MACROD2: variants seen among roughly 807,000 people sequenced by gnomAD.
The protein encoded by MACROD2 is mono-ADP ribosylhydrolase 2.
Under a neutral mutation model 70.4 loss-of-function variants are expected in MACROD2, and 36 were observed. That is an observed-to-expected ratio of 0.51 (90% CI 0.39 to 0.68). The LOEUF (loss-of-function observed/expected upper bound fraction) is 0.68. Ranked by LOEUF, MACROD2 falls within the 30% of genes least tolerant of loss-of-function variation. The pLI is 0.00. For synonymous variants in MACROD2, 172 were observed against 178.8 expected, an observed-to-expected ratio of 0.96 and a Z score of 0.30; for missense variants, 496 against 538.4, an observed-to-expected ratio of 0.92 and a Z score of 0.78.
At chr20:14,350,470 T>A (rs757423911) in intron 3 of MACROD2, among the ~76,000 whole-genome samples, 1 of 152,120 alleles carries the variant, frequency 6.6e-6, no homozygotes, top group Non-Finnish European at 1.5e-5. Flanking sequence ...TGAGATGATA[T>A]CTCTTTGTAG....
At chr20:14,893,735 C>T (rs2073792416) in intron 5 of MACROD2, 1 of 152,010 alleles carries the variant, frequency 6.6e-6, no homozygotes, top group Non-Finnish European at 1.5e-5. Flanking sequence ...TTTCTCCACC[C>T]TTCTTATTTA....
chr20:14,055,296 G>A (rs1158072769), intron 2 of MACROD2, among the ~76,000 whole-genome samples: 2 of 151,420 alleles, frequency 1.3e-5, no homozygotes, highest in Non-Finnish European at 2.9e-5. Flanking sequence ...TTTTTTTTGT[G>A]ACTTGTTATT....
At chr20:15,086,319 T>G (rs2075748536) in intron 5 of MACROD2, among the ~76,000 whole-genome samples, 1 of 152,188 alleles carries the variant, frequency 6.6e-6, no homozygotes, top group Non-Finnish European at 1.5e-5. Context: ...TGTTATCTTT[T>G]GCTAAGTTTT....
chr20:16,011,548 A>G (rs2066862701), intron 15 of MACROD2, among the ~76,000 whole-genome samples: 1 of 152,236 alleles, frequency 6.6e-6, no homozygotes, highest in African/African-American at 2.4e-5. Context: ...GGAGTTTATT[A>G]AAGGAAATGC....
rs189473571 is a variant in MACROD2, at chr20:15,243,654, G to A, written c.540+13593G>A. 1.3e-4 allele frequency among the ~76,000 whole-genome samples: 20 copies of A among 152,222 alleles called. No individual in the cohort carries two copies. The East Asian group carries it at 2.3e-3, about 18-fold the overall frequency. On this transcript the variant is annotated intron_variant, in intron 6 of 17. Transcript: ENST00000684519. Reference sequence around the variant, plus strand: ...GAGCTGGCCGGGCACGGTGGCTCACGCCTGTAATCCCAGCACTTTGGGAGG... The same window carrying A: ...GAGCTGGCCGGGCACGGTGGCTCACACCTGTAATCCCAGCACTTTGGGAGG...
intron 3 of MACROD2, chr20:14,322,959 T>G (rs2082678555): frequency 6.6e-6 from 1 of 152,168 alleles, no homozygotes; most frequent in Non-Finnish European, 1.5e-5. Flanking sequence ...TCAAGTCTTT[T>G]GATGCTCTGT....
chr20:14,998,529 G>T (rs574904806), intron 5 of MACROD2, among the ~76,000 whole-genome samples: 60 of 152,156 alleles, frequency 3.9e-4, no homozygotes, highest in African/African-American at 1.4e-3. Flanking sequence ...TCAAGCAAAA[G>T]AAAGAATTAG....
At chr20:15,952,007 G>A (rs1392575544) in intron 12 of MACROD2, among the ~76,000 whole-genome samples, 1 of 152,040 alleles carries the variant, frequency 6.6e-6, no homozygotes, top group African/African-American at 2.4e-5. Flanking sequence ...AATGAATCAT[G>A]GGGGCAGGTG....
Position 14,830,728 on chromosome 20 carries a change from G to C in MACROD2, c.418+145769G>C, listed in dbSNP as rs1325665274. Among the ~76,000 whole-genome samples, 94 of 152,270 alleles carry C rather than the reference G, an allele frequency of 6.2e-4. 1 individual carries two copies. The highest frequency in any genetic ancestry group is 1.9e-4 in the Non-Finnish European group (13 of 68,016). ...ACTAGGCAGATGCATATCAGAGCCA[G>C]ATCCCCAAGGGAAGGGCTTATTTCA... is the stretch of plus-strand genomic sequence containing the variant. On this transcript the variant is annotated intron_variant, in intron 5 of 17. Transcript: ENST00000684519.
At chr20:15,925,151 A>C (rs1009072194) in intron 10 of MACROD2, among the ~76,000 whole-genome samples, 7 of 152,224 alleles carry the variant, frequency 4.6e-5, no homozygotes, top group African/African-American at 1.4e-4. Flanking sequence ...AGCACAGAAC[A>C]ACTAGTAGAA....
intron 3 of MACROD2, among the ~76,000 whole-genome samples, chr20:14,119,648 G>A (rs1357295820): frequency 1.3e-5 from 2 of 152,116 alleles, no homozygotes; most frequent in Non-Finnish European, 2.9e-5. Flanking sequence ...TAGCTCTGCA[G>A]GCCTCGCCAT....
chr20:15,904,831 C>T (rs895345871), intron 10 of MACROD2, among the ~76,000 whole-genome samples: 5 of 145,578 alleles, frequency 3.4e-5, no homozygotes, highest in Non-Finnish European at 5.9e-5. Context: ...CAGTGAGCCA[C>T]GATCGCAGCA....
chr20:16,011,582 G>A (rs1382271291), intron 15 of MACROD2, among the ~76,000 whole-genome samples: 1 of 152,218 alleles, frequency 6.6e-6, no homozygotes, highest in Non-Finnish European at 1.5e-5. Flanking sequence ...AAGAAAGAGG[G>A]TGCTGGAGTT....
intron 4 of MACROD2, among the ~76,000 whole-genome samples, chr20:14,684,558 A>C (rs531468458): frequency 4.5e-4 from 68 of 152,238 alleles, no homozygotes; most frequent in African/African-American, 1.5e-3. Flanking sequence ...AAAATGCTAC[A>C]TATCAAGGAT....
At chr20:15,315,319 A>G (rs181960895) in intron 6 of MACROD2, among the ~76,000 whole-genome samples, 139 of 152,334 alleles carry the variant, frequency 9.1e-4, no homozygotes, top group African/African-American at 3.2e-3. Context: ...ATTTGGTAAG[A>G]TGTAAAAATC....
intron 8 of MACROD2, among the ~76,000 whole-genome samples, chr20:15,615,105 C>T (rs373950278): frequency 6.6e-6 from 1 of 152,066 alleles, no homozygotes; most frequent in East Asian, 1.9e-4. Flanking sequence ...AGGTGAAGGC[C>T]TCGTGGTTCT....
At chr20:14,106,671 G>T (rs986139607) in intron 3 of MACROD2, among the ~76,000 whole-genome samples, 1 of 152,198 alleles carries the variant, frequency 6.6e-6, no homozygotes, top group Non-Finnish European at 1.5e-5. Flanking sequence ...TGTCCCAGTG[G>T]TGGTGGTCAC....
chr20:14,293,361 A>T (rs143169648), intron 3 of MACROD2, among the ~76,000 whole-genome samples: 4 of 151,974 alleles, frequency 2.6e-5, no homozygotes, highest in African/African-American at 9.7e-5. Flanking sequence ...ACTCAGAAGA[A>T]AAAAGTAGAA....
chr20:15,165,312 C>T (rs891476523), intron 5 of MACROD2, among the ~76,000 whole-genome samples: 2 of 152,036 alleles, frequency 1.3e-5, no homozygotes, highest in Non-Finnish European at 2.9e-5. Flanking sequence ...AAAAATTAGC[C>T]AGGTGTTGTG....
Sources: allele counts gnomAD v4.1 joint callset (sites outside exome capture counted in the v4.1 genomes callset), GRCh38; gene constraint gnomAD v4.1.1; transcripts MANE v1.5; gene names NCBI Gene and HGNC (gene_info 2026-07-23, HGNC 2026-07-21).